The following NHSL3 variants were observed in gnomAD, a reference collection of about 807,000 sequenced individuals.
NHSL3 encodes NHS like 3.
the NHSL3 span, among the ~76,000 whole-genome samples, chr1:32,760,601 T>TG: frequency 1.5e-3 from 205 of 140,906 alleles, no homozygotes; most frequent in African/African-American, 4.5e-3. Context: ...TTTTTTTTTT[T>TG]TTTGTTTGAG....
At chr1:32,756,817 A>C in the NHSL3 span, among the ~76,000 whole-genome samples, 1 of 151,928 alleles carries the variant, frequency 6.6e-6, no homozygotes, top group Non-Finnish European at 1.5e-5. Flanking sequence ...AAAAATACAA[A>C]AACTAGCCAG....
At chr1:32,753,441 T>G in the NHSL3 span, among the ~76,000 whole-genome samples, 11 of 151,780 alleles carry the variant, frequency 7.2e-5, no homozygotes, top group African/African-American at 2.7e-4. Flanking sequence ...GCCGAGAGCG[T>G]GCCCCTGCCC....
At chr1:32,760,320 C>T in the NHSL3 span, among the ~76,000 whole-genome samples, 5 of 152,326 alleles carry the variant, frequency 3.3e-5, no homozygotes, top group African/African-American at 1.2e-4. Flanking sequence ...GCCCCTTGCT[C>T]TGGAATGGGG....
At chr1:32,748,651 T>G in the NHSL3 span, among the ~76,000 whole-genome samples, 1 of 152,254 alleles carries the variant, frequency 6.6e-6, no homozygotes, top group African/African-American at 2.4e-5. Context: ...TTAAGAGAGT[T>G]GGGGTTGGGC....
the NHSL3 span, among the ~76,000 whole-genome samples, chr1:32,757,401 A>G: frequency 1.3e-5 from 2 of 150,062 alleles, no homozygotes; most frequent in South Asian, 4.3e-4. Context: ...AGACTGTTGC[A>G]GTAATCCAGG....
At chr1:32,742,258 G>C in the NHSL3 span, 16 of 1,224,790 alleles carry the variant, frequency 1.3e-5, no homozygotes, top group African/African-American at 2.5e-4. Flanking sequence ...GCTCTGCCGG[G>C]GGTCCGCGCG....
At chr1:32,771,800 T>G in the NHSL3 span, 9 of 1,613,126 alleles carry the variant, frequency 5.6e-6, no homozygotes, top group Non-Finnish European at 7.6e-6. Context: ...AGGGAGGACG[T>G]AGGTGCGCCC....
the NHSL3 span, chr1:32,768,175 G>A: frequency 1.7e-6 from 2 of 1,151,322 alleles, no homozygotes; most frequent in South Asian, 2.5e-5. Context: ...CCCCTGGCAA[G>A]GATGTCTTGG....
the NHSL3 span, among the ~76,000 whole-genome samples, chr1:32,756,000 G>C: frequency 6.6e-6 from 1 of 152,218 alleles, no homozygotes; most frequent in African/African-American, 2.4e-5. Context: ...TAAGAAGGCT[G>C]TGTTTATAGT....
At chr1:32,758,636 T>C in the NHSL3 span, among the ~76,000 whole-genome samples, 2 of 152,006 alleles carry the variant, frequency 1.3e-5, no homozygotes, top group East Asian at 3.9e-4. Flanking sequence ...CGGAATCTCC[T>C]TGCTGCCCCA....
At chr1:32,768,046 T>G in the NHSL3 span, 2 of 1,613,912 alleles carry the variant, frequency 1.2e-6, no homozygotes, top group Non-Finnish European at 1.7e-6. Flanking sequence ...CAACAGACCC[T>G]TCTGGTGTCT....
At chr1:32,760,793 G>A in the NHSL3 span, among the ~76,000 whole-genome samples, 1 of 152,050 alleles carries the variant, frequency 6.6e-6, no homozygotes, top group African/African-American at 2.4e-5. Context: ...CTTTCACGGC[G>A]TTGGCCAGGC....
chr1:32,752,946 CACACATAT>C, the NHSL3 span, among the ~76,000 whole-genome samples: 2 of 24,126 alleles, frequency 8.3e-5, no homozygotes, highest in African/African-American at 3.4e-4. Context: ...CACACACACA[CACACATAT>C]ATATATATAT....
chr1:32,741,999 G>A, the NHSL3 span: 1 of 1,210,038 alleles, frequency 8.3e-7, no homozygotes, highest in Non-Finnish European at 1.0e-6. This position sits in a 1 kb window ranked among gnomAD's most constrained non-coding sequence, Gnocchi z 4.3. Flanking sequence ...CCGAGGAGCC[G>A]GGGAACCCGG....
chr1:32,756,947 T>C, the NHSL3 span, among the ~76,000 whole-genome samples: 1 of 152,112 alleles, frequency 6.6e-6, no homozygotes, highest in East Asian at 1.9e-4. Flanking sequence ...CCAGCCTGGG[T>C]GACAAGAACT....
At chr1:32,771,775 G>A in the NHSL3 span, 1 of 1,613,660 alleles carries the variant, frequency 6.2e-7, no homozygotes, top group South Asian at 1.1e-5. Context: ...CTGTAGCAAG[G>A]GTGGTGGGCC....
At chr1:32,757,478 G>T in the NHSL3 span, among the ~76,000 whole-genome samples, 1 of 152,048 alleles carries the variant, frequency 6.6e-6, no homozygotes, top group Admixed American at 6.6e-5. Context: ...AGTGGCAGCT[G>T]CAGAGACACT....
At chr1:32,745,349 C>T in the NHSL3 span, among the ~76,000 whole-genome samples, 2 of 151,028 alleles carry the variant, frequency 1.3e-5, no homozygotes, top group African/African-American at 2.4e-5. Context: ...CATGAGGTCG[C>T]GAGTTTAAGA....
At chr1:32,770,655 T>G in the NHSL3 span, 6 of 1,524,544 alleles carry the variant, frequency 3.9e-6, no homozygotes, top group African/African-American at 8.3e-5. The surrounding 1 kb of genome is among the most constrained non-coding windows in gnomAD (Gnocchi z 8.3). Context: ...TGTCCCTGCG[T>G]AAGCTGAAGC....
Sources: gnomAD v4.1 joint callset for allele counts (sites outside exome capture counted in the v4.1 genomes callset) on GRCh38, gnomAD v4.1.1 for gene constraint, Gnocchi (gnomAD v3.1) non-coding constraint, MANE v1.5 for transcripts, NCBI Gene and HGNC (gene_info 2026-07-23, HGNC 2026-07-21) for gene names.